WDFY2: variants seen among roughly 807,000 people sequenced by gnomAD.
The protein encoded by WDFY2 is WD repeat and FYVE domain containing 2, also known as WD repeat and FYVE domain-containing protein 2.
In WDFY2, 36 loss-of-function variants were observed where a neutral mutation model predicts 56.4. That is an observed-to-expected ratio of 0.64 (90% CI 0.49 to 0.84). The LOEUF (loss-of-function observed/expected upper bound fraction) is 0.84, where lower values mean the gene tolerates loss of function less well. Ranked by LOEUF, WDFY2 falls within the 40% of genes least tolerant of loss-of-function variation. The pLI is 0.00. For synonymous variants in WDFY2, 176 were observed against 183.7 expected, an observed-to-expected ratio of 0.96 and a Z score of 0.34; for missense variants, 444 against 512.2, an observed-to-expected ratio of 0.87 and a Z score of 1.29.
chr13:51,704,562 C>T (rs950068055), intron 4 of WDFY2, among the ~76,000 whole-genome samples: 1 of 152,174 alleles, frequency 6.6e-6, no homozygotes, highest in Non-Finnish European at 1.5e-5. Flanking sequence ...AGTACAATCT[C>T]TCTTACACAT....
At chr13:51,754,698 G>A (rs900396214) in intron 8 of WDFY2, among the ~76,000 whole-genome samples, 10 of 152,016 alleles carry the variant, frequency 6.6e-5, no homozygotes, top group Non-Finnish European at 1.0e-4. Context: ...TGTTATTTCC[G>A]TATTGATTTT....
chr13:51,682,629 C>G (rs1212212861), intron 3 of WDFY2, among the ~76,000 whole-genome samples: 9 of 152,118 alleles, frequency 5.9e-5, no homozygotes, highest in Non-Finnish European at 1.3e-4. Context: ...GTCTCAGTTT[C>G]CTTATCTGTA....
intron 1 of WDFY2, chr13:51,592,190 A>G (rs1010553627): frequency 2.0e-5 from 3 of 152,160 alleles, no homozygotes; most frequent in African/African-American, 7.2e-5. Context: ...CAAATTGAGC[A>G]TTTGCTATTG....
chr13:51,696,915 G>A (rs929218625), intron 3 of WDFY2, among the ~76,000 whole-genome samples: 4 of 152,090 alleles, frequency 2.6e-5, no homozygotes, highest in Non-Finnish European at 5.9e-5. Flanking sequence ...AAATAGTTCC[G>A]TGGAATATGA....
At chr13:51,658,501 C>G (rs978759077) in intron 1 of WDFY2, among the ~76,000 whole-genome samples, 19 of 152,200 alleles carry the variant, frequency 1.2e-4, no homozygotes, top group Admixed American at 5.2e-4. Flanking sequence ...ATCTCCATGG[C>G]TGCCTGCCGT....
intron 10 of WDFY2, among the ~76,000 whole-genome samples, chr13:51,757,622 C>G (rs914480213): frequency 2.0e-5 from 3 of 147,780 alleles, no homozygotes; most frequent in South Asian, 2.2e-4. Flanking sequence ...AGGCAGCTGA[C>G]AAGTCTTCTT....
chr13:51,635,758 G>T (rs930725653), intron 1 of WDFY2, among the ~76,000 whole-genome samples: 1 of 152,180 alleles, frequency 6.6e-6, no homozygotes, highest in Non-Finnish European at 1.5e-5. Context: ...TAGTACTTTT[G>T]TAAGGATTAA....
At chr13:51,746,723 G>A (rs1038642152) in intron 7 of WDFY2, among the ~76,000 whole-genome samples, 7 of 152,192 alleles carry the variant, frequency 4.6e-5, no homozygotes, top group Non-Finnish European at 1.0e-4. Flanking sequence ...CAGAGTTTAC[G>A]AAATTGTGGG....
chr13:51,751,166 A>G (rs1451108256), intron 7 of WDFY2, 144 bp from the exon 8 acceptor site: 1 of 644,020 alleles, frequency 1.6e-6, no homozygotes. Flanking sequence ...GACCTTTAAC[A>G]TGCTGAAAAT....
intron 3 of WDFY2, among the ~76,000 whole-genome samples, chr13:51,694,075 GTC>G (rs1253047766): frequency 6.6e-6 from 1 of 151,994 alleles, no homozygotes; most frequent in African/African-American, 2.4e-5. Context: ...GCCTATGTGT[GTC>G]TCTGCACGTG....
At chr13:51,753,581 T>C (rs1303482194) in intron 8 of WDFY2, among the ~76,000 whole-genome samples, 1 of 152,206 alleles carries the variant, frequency 6.6e-6, no homozygotes, top group Non-Finnish European at 1.5e-5. Context: ...CATTTTTCTC[T>C]ACACATAACA....
intron 1 of WDFY2, among the ~76,000 whole-genome samples, chr13:51,612,522 T>C (rs1379328401): frequency 1.3e-5 from 2 of 152,212 alleles, no homozygotes; most frequent in Non-Finnish European, 2.9e-5. Context: ...AGGTACACAT[T>C]TCAAAAAGTT....
In WDFY2 at chr13:51,640,816, C is replaced by T. The variant is rs1388881412; in HGVS notation, c.138-19780C>T. On this transcript the variant is annotated intron_variant, in intron 1 of 11. Coordinates refer to ENST00000298125, the MANE Select transcript of WDFY2 (RefSeq NM_052950.4). ...AGTGAGCTGAGATCACGCCATTGCA[C>T]TCCAGCCTGGGCAACAAGATTTATC... 3.3e-5 allele frequency among the ~76,000 whole-genome samples: 5 copies of T among 152,268 alleles called. 1 individual carries two copies. Among genetic ancestry groups the T allele is most frequent in the Admixed American group, 2.6e-4 (4 of 15,294 alleles).
intron 1 of WDFY2, among the ~76,000 whole-genome samples, chr13:51,628,922 G>T (rs577863856): frequency 6.6e-6 from 1 of 152,244 alleles, no homozygotes; most frequent in East Asian, 1.9e-4. Context: ...ATGCTCTGTG[G>T]GACTTTTCTG....
At chr13:51,717,049 A>G (rs2138622759) in intron 4 of WDFY2, among the ~76,000 whole-genome samples, 1 of 152,224 alleles carries the variant, frequency 6.6e-6, no homozygotes, top group African/African-American at 2.4e-5. Flanking sequence ...ATCTATGGAA[A>G]CCCTGCAGCT....
At chr13:51,589,477 T>C (rs1954004793) in intron 1 of WDFY2, 1 of 152,218 alleles carries the variant, frequency 6.6e-6, no homozygotes, top group South Asian at 2.1e-4. Context: ...CCTCATAGTA[T>C]TGGTTCATTT....
rs66771214 is a variant in WDFY2 at position 51,667,879 on chromosome 13, C to CTTTTTTTT, written c.205+7239_205+7246dup. 6.6e-3 allele frequency among the ~76,000 whole-genome samples: 328 copies of CTTTTTTTT among 50,062 alleles called. 60 individuals carry two copies. Among genetic ancestry groups the CTTTTTTTT allele is most frequent in the Admixed American group, 0.014 (41 of 2,862 alleles). 32.8% of individuals were successfully genotyped at this position (50,062 alleles called of 152,430 possible). A position where few individuals can be genotyped will look rare whatever the true frequency, so the allele number is the denominator to read the frequency against. On this transcript the variant is annotated intron_variant, in intron 2 of 11. Transcript: ENST00000298125. ...GAAGAAAAAGGTACCTGAGGAACTTCTTTTTTTTTTTTTTTTTTTTTTTTT... is the reference window on the plus strand; with the variant it reads ...GAAGAAAAAGGTACCTGAGGAACTTCTTTTTTTTTTTTTTTTTTTTTTTTTTTTTTTTT...
At chr13:51,652,439 C>T (rs1043037242) in intron 1 of WDFY2, among the ~76,000 whole-genome samples, 8 of 152,136 alleles carry the variant, frequency 5.3e-5, no homozygotes, top group African/African-American at 1.9e-4. Context: ...GAATTTGATC[C>T]TGTCATTATG....
intron 4 of WDFY2, among the ~76,000 whole-genome samples, chr13:51,712,753 AAG>A (rs1285029318): frequency 1.3e-5 from 2 of 152,200 alleles, no homozygotes; most frequent in South Asian, 2.1e-4. Context: ...GAAAAAAAAA[AAG>A]AGAAAATGCA....
Sources: gnomAD v4.1 joint callset for allele counts (sites outside exome capture counted in the v4.1 genomes callset) on GRCh38, gnomAD v4.1.1 for gene constraint, MANE v1.5 for transcripts, NCBI Gene and HGNC (gene_info 2026-07-23, HGNC 2026-07-21) for gene names.